KAZN: variants seen among roughly 807,000 people sequenced by gnomAD.
KAZN encodes the protein kazrin, periplakin interacting protein.
A neutral mutation model predicts 87.4 loss-of-function variants in KAZN; 40 were observed. The observed-to-expected ratio is 0.46, with a 90% confidence interval of 0.36 to 0.60. KAZN has a LOEUF of 0.60. Ranked by LOEUF, KAZN falls within the 20% of genes least tolerant of loss-of-function variation. The pLI, the probability that KAZN is intolerant of heterozygous loss-of-function variation, is 0.00. For synonymous variants in KAZN, 466 were observed against 458.3 expected, an observed-to-expected ratio of 1.02 and a Z score of -0.22; for missense variants, 898 against 1,073.9, an observed-to-expected ratio of 0.84 and a Z score of 2.29.
At chr1:14,544,600 T>G (rs916827661) in intron 2 of KAZN, among the ~76,000 whole-genome samples, 7 of 152,004 alleles carry the variant, frequency 4.6e-5, no homozygotes, top group African/African-American at 1.2e-4. Context: ...AAACAACTTT[T>G]CTTTGTGCCA....
chr1:14,147,992 G>A (rs533411061), intron 1 of KAZN, among the ~76,000 whole-genome samples: 1 of 152,124 alleles, frequency 6.6e-6, no homozygotes, highest in Non-Finnish European at 1.5e-5. Context: ...GGCCGAGGTG[G>A]GAGGATCACT....
chr1:13,902,704 G>C lies in KAZN; in HGVS notation c.91+8948G>C, dbSNP rs527945781. On this transcript the variant is annotated intron_variant, in intron 1 of 16. Transcript: ENST00000636203. The stretch of plus-strand genomic sequence containing the variant: ...GAGGAGAAGAATGGGAATGTTCCTG[G>C]CATAAAGAAAAATGTTTGAGATGAT... Among the ~76,000 whole-genome samples the C allele has an allele frequency of 1.4e-3, 208 of 152,236 alleles. 2 individuals carry two copies. Among genetic ancestry groups the C allele is most frequent in the African/African-American group, 4.6e-3 (193 of 41,538 alleles).
At position 14,960,708 on chromosome 1, in the gene KAZN, G is replaced by A. The variant is rs1438508656; in HGVS notation, c.251G>A (p.Arg84Gln). The A allele has an allele frequency of 1.3e-5, 20 of 1,574,922 alleles. No homozygotes were observed. Among genetic ancestry groups the A allele is most frequent in the South Asian group, 9.3e-5 (8 of 86,196 alleles). ...GTGCTCCTGCGGGAAGAAGTGTCGC[G>A]GCTCCAGGAGGAAGTTCACCTTCTC... The part of the protein sequence containing the change: ...AQVLLREEVS[R>Q]LQEEVHLLRQ... The change falls in exon 2 of 15, where the codon CGG becomes CAG. Residue 84 changes from arginine to glutamine, a missense_variant. Transcript: ENST00000376030.
At chr1:14,023,473 T>A (rs1640934794) in intron 1 of KAZN, among the ~76,000 whole-genome samples, 1 of 152,306 alleles carries the variant, frequency 6.6e-6, no homozygotes, top group African/African-American at 2.4e-5. Context: ...GATGAGGAAA[T>A]GCATCTCTCA....
In KAZN at chr1:14,972,015, G is replaced by A. The variant is rs567081620; in HGVS notation, c.418+11140G>A. 5.3e-5 allele frequency among the ~76,000 whole-genome samples: 8 copies of A among 152,228 alleles called. 1 individual carries two copies. In the South Asian group the frequency reaches 1.7e-3, roughly 32 times the overall value. On this transcript the variant is annotated intron_variant, in intron 2 of 14. Transcript: ENST00000376030. ...TGTCTTTACGGTAGGGGCAGAGGCTGCACACGCTGATCCTCAGCTTTTAAT... is the reference window on the plus strand; with the variant it reads ...TGTCTTTACGGTAGGGGCAGAGGCTACACACGCTGATCCTCAGCTTTTAAT...
At chr1:15,101,164 TTCTC>T (rs143288616) in intron 10 of KAZN, among the ~76,000 whole-genome samples, 18 of 127,754 alleles carry the variant, frequency 1.4e-4, no homozygotes, top group African/African-American at 2.8e-4. Flanking sequence ...GTCTCGGTCT[TTCTC>T]TCTCTCTCTC....
chr1:14,276,199 GTGTA>G (rs1402502078), intron 2 of KAZN, among the ~76,000 whole-genome samples: 6 of 121,836 alleles, frequency 4.9e-5, no homozygotes, highest in Non-Finnish European at 6.9e-5. Context: ...GTGTGTGTGT[GTGTA>G]TCCTTTATCA....
At chr1:14,684,638 G>T (rs879695320) in intron 1 of KAZN, among the ~76,000 whole-genome samples, 1 of 152,184 alleles carries the variant, frequency 6.6e-6, no homozygotes, top group Admixed American at 6.5e-5. Flanking sequence ...CTAGCTTCTA[G>T]AGGCTGCCTG....
intron 1 of KAZN, among the ~76,000 whole-genome samples, chr1:14,745,262 GA>G (rs528235060): frequency 0.084 from 8,358 of 99,246 alleles, 466 homozygotes; most frequent in African/African-American, 0.21. Context: ...AGAAAAAAAG[GA>G]AAAAAAAAAA....
chr1:14,784,684 G>A (rs1250683432), intron 1 of KAZN, among the ~76,000 whole-genome samples: 4 of 152,138 alleles, frequency 2.6e-5, no homozygotes, highest in African/African-American at 7.2e-5. Context: ...ACTTGAGCCC[G>A]GGAGGTCGAG....
At chr1:14,341,742 C>T (rs1657744568) in intron 2 of KAZN, among the ~76,000 whole-genome samples, 1 of 152,206 alleles carries the variant, frequency 6.6e-6, no homozygotes, top group Admixed American at 6.5e-5. Context: ...CTGCTCTCCC[C>T]ATGTCCTGCC....
intron 1 of KAZN, among the ~76,000 whole-genome samples, chr1:14,730,005 G>T (rs1035946855): frequency 6.6e-6 from 1 of 152,168 alleles, no homozygotes; most frequent in Non-Finnish European, 1.5e-5. Context: ...CGATGACAGA[G>T]GCTGCATGTG....
chr1:14,194,422 C>G (rs1646484347), intron 2 of KAZN, among the ~76,000 whole-genome samples: 1 of 152,150 alleles, frequency 6.6e-6, no homozygotes, highest in African/African-American at 2.4e-5. Flanking sequence ...AGGACTTTTC[C>G]AGTTCCCTGG....
At chr1:13,939,548 A>G (rs1640857294) in intron 1 of KAZN, among the ~76,000 whole-genome samples, 1 of 152,116 alleles carries the variant, frequency 6.6e-6, no homozygotes, top group Admixed American at 6.6e-5. Context: ...ATTTTCCCTC[A>G]TCTTTCTGTC....
At chr1:15,087,908 T>A (rs533570425) in intron 8 of KAZN, among the ~76,000 whole-genome samples, 4 of 152,236 alleles carry the variant, frequency 2.6e-5, no homozygotes, top group Admixed American at 2.6e-4. Flanking sequence ...CCTGTGAGAT[T>A]AAGCGTTCCT....
chr1:14,414,344 G>GAAAAAAA (rs5772578), intron 2 of KAZN, among the ~76,000 whole-genome samples: 3 of 107,844 alleles, frequency 2.8e-5, no homozygotes, highest in Non-Finnish European at 5.7e-5. Context: ...TTTGTCATAG[G>GAAAAAAA]AAAAAAAAAA....
chr1:14,724,948 G>A (rs566966202), intron 1 of KAZN, among the ~76,000 whole-genome samples: 47 of 152,308 alleles, frequency 3.1e-4, no homozygotes. Context: ...GAGTCAATGG[G>A]AAGAAAATGA....
chr1:14,874,900 C>T (rs562017478), intron 1 of KAZN, among the ~76,000 whole-genome samples: 17 of 152,238 alleles, frequency 1.1e-4, no homozygotes, highest in African/African-American at 3.9e-4. Flanking sequence ...TTTGTATTTC[C>T]ATTTGCCAAA....
Position 14,557,662 on chromosome 1 carries a change from GT to G in KAZN, c.250-41320del, listed in dbSNP as rs1406042299. ...TGTGTGTGTGTGTGTGTGTGTGTGT[GT>G]GTGGTGTGTGAGAGAGAGAGAGAGA... On this transcript the variant is annotated intron_variant, in intron 2 of 16. Transcript: ENST00000636203. 9.8e-3 allele frequency among the ~76,000 whole-genome samples: 1,260 copies of G among 128,010 alleles called. 5 individuals carry two copies. The highest frequency in any genetic ancestry group is 0.015 in the Non-Finnish European group (889 of 59,704). The allele number at this position is 128,010 out of a possible 152,430, so 84.0% of individuals were successfully genotyped here. A position where few individuals can be genotyped will look rare whatever the true frequency, so the allele number is the denominator to read the frequency against.
Sources: gnomAD v4.1 joint callset for allele counts (sites outside exome capture counted in the v4.1 genomes callset) on GRCh38, gnomAD v4.1.1 for gene constraint, MANE v1.5 for transcripts, NCBI Gene and HGNC (gene_info 2026-07-23, HGNC 2026-07-21) for gene names.